Variants in PDE4D observed in about 807,000 individuals in gnomAD.
The protein encoded by PDE4D is phosphodiesterase 4D.
A neutral mutation model predicts 87.4 loss-of-function variants in PDE4D; 24 were observed. The ratio of observed to expected loss-of-function variants is 0.27; its 90% CI spans 0.20 to 0.39. PDE4D has a LOEUF of 0.39. Ranked by LOEUF, PDE4D falls within the 10% of genes least tolerant of loss-of-function variation. The pLI is 1.00. For synonymous variants in PDE4D, 384 were observed against 383.2 expected (o/e 1.00, Z -0.02); for missense variants, 714 against 1,041.0 (o/e 0.69, Z 4.32).
At chr5:60,147,910 A>T in intron 2 of PDE4D, 1 of 381,684 alleles carries the variant, frequency 2.6e-6, no homozygotes, top group South Asian at 1.9e-5. Flanking sequence ...ACCAAGACAG[A>T]AGCCACAGTT....
chr5:59,002,247 ACAATCACTGACAAATAATCTTT>A (rs1750695199), intron 6 of PDE4D, among the ~76,000 whole-genome samples: 1 of 152,184 alleles, frequency 6.6e-6, no homozygotes, highest in Non-Finnish European at 1.5e-5. Context: ...TCTTTTGTGC[ACAATCACTGACAAATAATCTTT>A]TTAGTGTGTC....
intron 4 of PDE4D, among the ~76,000 whole-genome samples, chr5:59,182,764 T>G (rs1741961408): frequency 6.6e-6 from 1 of 152,162 alleles, no homozygotes; most frequent in Non-Finnish European, 1.5e-5. Flanking sequence ...CATGGTTGCC[T>G]CGATACCTCC....
At chr5:60,344,163 T>C (rs1302534822) in intron 1 of PDE4D, among the ~76,000 whole-genome samples, 1 of 152,102 alleles carries the variant, frequency 6.6e-6, no homozygotes, top group African/African-American at 2.4e-5. Context: ...TAAAAAAGGT[T>C]AGAAGTATAT....
chr5:60,473,129 AAGGAAGGAAGGAAGGAAGGAAGGAAGG>A lies in PDE4D; in HGVS notation c.-90+14786_-90+14812del, dbSNP rs1747966826. Among the ~76,000 whole-genome samples the A allele has an allele frequency of 2.1e-3, 134 of 62,576 alleles. 1 individual carries two copies. The highest frequency in any genetic ancestry group is 5.4e-3 in the South Asian group (7 of 1,290). The allele number at this position is 62,576 out of a possible 152,430, so 41.1% of individuals were successfully genotyped here. A position where few individuals can be genotyped will look rare whatever the true frequency, so the allele number is the denominator to read the frequency against. On this transcript the variant is annotated intron_variant, in intron 1 of 16. Coordinates refer to the PDE4D transcript ENST00000502484. ...AGAAAGAGAGAGAGAGAAAGAAAGG[AAGGAAGGAAGGAAGGAAGGAAGGAAGG>A]AAGGAAGGAAGGAAGGAAGGAAGGA...
chr5:60,484,539 A>G (rs1188147201), intron 1 of PDE4D, among the ~76,000 whole-genome samples: 1 of 152,248 alleles, frequency 6.6e-6, no homozygotes, highest in African/African-American at 2.4e-5. Flanking sequence ...CGACTATGGC[A>G]CATGGAAGTT....
At chr5:60,159,496 C>T (rs569604337) in intron 2 of PDE4D, among the ~76,000 whole-genome samples, 44 of 152,054 alleles carry the variant, frequency 2.9e-4, no homozygotes, top group African/African-American at 9.4e-4. Flanking sequence ...TTTATATCAC[C>T]GGCCATGCAG....
At chr5:59,225,303 C>A (rs149480024) in intron 1 of PDE4D, among the ~76,000 whole-genome samples, 5 of 152,302 alleles carry the variant, frequency 3.3e-5, no homozygotes, top group Non-Finnish European at 7.4e-5. Context: ...TGTCAAAGAT[C>A]AGTTGACTGT....
intron 1 of PDE4D, among the ~76,000 whole-genome samples, chr5:60,192,004 A>AAT (rs1583025158): frequency 1.3e-5 from 2 of 151,994 alleles, no homozygotes; most frequent in Non-Finnish European, 2.9e-5. Flanking sequence ...CATCTCAAAA[A>AAT]ATATATATAT....
intron 1 of PDE4D, among the ~76,000 whole-genome samples, chr5:59,360,179 G>A (rs563848344): frequency 6.6e-6 from 1 of 152,276 alleles, no homozygotes; most frequent in Admixed American, 6.5e-5. Context: ...ATTTGAGAGT[G>A]GGATAAGTTA....
At chr5:60,243,409 A>T (rs1413285274) in intron 1 of PDE4D, among the ~76,000 whole-genome samples, 1 of 151,746 alleles carries the variant, frequency 6.6e-6, no homozygotes, top group Non-Finnish European at 1.5e-5. Context: ...AGAACTAATA[A>T]CAATGTTACT....
At position 59,762,269 on chromosome 5, in the gene PDE4D, TGTATATGG is replaced by T. The variant is rs1401773242; in HGVS notation, c.455+130891_455+130898del. Reference sequence around the variant, plus strand: ...ATATGGGTACACATATGCGTATATGTGTATATGGGTACACATATGCGTATATGGGTACA... The same window carrying T: ...ATATGGGTACACATATGCGTATATGTGTACACATATGCGTATATGGGTACA... On this transcript the variant is annotated intron_variant, in intron 1 of 14. Transcript: ENST00000340635. Among the ~76,000 whole-genome samples, 5 of 46,696 alleles carry T rather than the reference TGTATATGG, an allele frequency of 1.1e-4. 1 individual carries two copies. Among genetic ancestry groups the T allele is most frequent in the South Asian group, 6.3e-4 (1 of 1,598 alleles). 30.6% of individuals were successfully genotyped at this position (46,696 alleles called of 152,430 possible).
intron 1 of PDE4D, among the ~76,000 whole-genome samples, chr5:59,582,568 T>A (rs1165574785): frequency 6.6e-6 from 1 of 152,188 alleles, no homozygotes; most frequent in Non-Finnish European, 1.5e-5. Context: ...ATATACTGAT[T>A]TATATCTTGC....
intron 1 of PDE4D, among the ~76,000 whole-genome samples, chr5:59,809,166 T>C (rs1768065752): frequency 1.3e-5 from 2 of 152,320 alleles, no homozygotes; most frequent in East Asian, 3.9e-4. Flanking sequence ...TTGCTAATGA[T>C]TTGCCCTCAT....
rs201741258 is a variant in PDE4D at position 59,658,623 on chromosome 5, C to T, written c.455+234545G>A. Among the ~76,000 whole-genome samples the T allele has an allele frequency of 6.6e-5, 10 of 152,248 alleles. No individual in the cohort carries two copies. In the East Asian group the frequency reaches 1.2e-3, roughly 18 times the overall value. ...GTCTCGATCTCCTGACCTGGTGATC[C>T]GCCTGCCTCGGCCTCCCAAAGTGCT... On this transcript the variant is annotated intron_variant, in intron 1 of 14. Coordinates refer to ENST00000340635, the MANE Select transcript of PDE4D (RefSeq NM_001104631.2).
chr5:59,066,042 C>G (rs1323695226), intron 5 of PDE4D, among the ~76,000 whole-genome samples: 1 of 152,006 alleles, frequency 6.6e-6, no homozygotes, highest in Non-Finnish European at 1.5e-5. Flanking sequence ...TTTTCGGATG[C>G]TGTTCTAAAA....
At chr5:60,272,078 T>C (rs1459906296) in intron 1 of PDE4D, among the ~76,000 whole-genome samples, 5 of 152,170 alleles carry the variant, frequency 3.3e-5, no homozygotes, top group Non-Finnish European at 7.3e-5. Context: ...GTATTCAGTG[T>C]GCCAGGCTCC....
chr5:60,158,361 T>C (rs1054044392), intron 2 of PDE4D, among the ~76,000 whole-genome samples: 3 of 151,912 alleles, frequency 2.0e-5, no homozygotes, highest in Admixed American at 2.0e-4. Context: ...TCTAAACATA[T>C]AAAAAATAGG....
intron 1 of PDE4D, among the ~76,000 whole-genome samples, chr5:59,496,362 T>C (rs535188525): frequency 9.7e-4 from 148 of 152,142 alleles, no homozygotes; most frequent in African/African-American, 3.0e-3. Context: ...AGGTTGGTCT[T>C]GGGAAATGCA....
At chr5:60,299,119 G>GT (rs973044082) in intron 1 of PDE4D, among the ~76,000 whole-genome samples, 22 of 151,944 alleles carry the variant, frequency 1.4e-4, no homozygotes, top group South Asian at 8.3e-4. Context: ...GTAAAATTAG[G>GT]TTTTTTTTCA....
Sources: gnomAD v4.1 joint callset for allele counts (sites outside exome capture counted in the v4.1 genomes callset) on GRCh38, gnomAD v4.1.1 for gene constraint, MANE v1.5 for transcripts, NCBI Gene and HGNC (gene_info 2026-07-23, HGNC 2026-07-21) for gene names.